Variants in LDHB observed in about 807,000 individuals in gnomAD.
LDHB encodes L-lactate dehydrogenase B chain.
In LDHB, 18 loss-of-function variants were observed where a neutral mutation model predicts 33.4. The observed-to-expected ratio is 0.54, with a 90% CI of 0.37 to 0.80. LDHB has a LOEUF of 0.80. LDHB is among the 30% of genes least tolerant of loss of function. The probability of loss-of-function intolerance (pLI) is 0.00; values close to 1 mark genes in which losing one functional copy is unlikely to be tolerated. For synonymous variants in LDHB, 121 were observed against 140.6 expected (o/e 0.86, Z 0.98); for missense variants, 345 against 407.9 (o/e 0.85, Z 1.33).
intron 5 of LDHB, among the ~76,000 whole-genome samples, chr12:21,640,305 A>C (rs1234805028): frequency 6.7e-6 from 1 of 148,578 alleles, no homozygotes; most frequent in Admixed American, 6.8e-5. Flanking sequence ...ATTTAAAATA[A>C]AACATTTATA....
At chr12:21,641,853 G>T in intron 5 of LDHB, 99 bp downstream of exon 5, 1 of 1,035,386 alleles carries the variant, frequency 9.7e-7, no homozygotes, top group Non-Finnish European at 1.4e-6. Flanking sequence ...CTGTTCTTAA[G>T]TACATCAAAG....
intron 6 of LDHB, among the ~76,000 whole-genome samples, chr12:21,637,590 A>G (rs1323238720): frequency 6.6e-6 from 1 of 151,860 alleles, no homozygotes; most frequent in East Asian, 1.9e-4. Flanking sequence ...ACTGTCACCT[A>G]ACATAATCAA....
At chr12:21,653,505 T>C (rs1339082440) in intron 2 of LDHB, among the ~76,000 whole-genome samples, 1 of 152,162 alleles carries the variant, frequency 6.6e-6, no homozygotes, top group Non-Finnish European at 1.5e-5. Flanking sequence ...CTAAAGGACA[T>C]GTAAGTAAAG....
At chr12:21,641,209 A>G (rs1383457931) in intron 5 of LDHB, among the ~76,000 whole-genome samples, 12 of 152,194 alleles carry the variant, frequency 7.9e-5, no homozygotes, top group Non-Finnish European at 1.5e-5. Flanking sequence ...CACACAGAGT[A>G]ACCTGGCAAA....
At chr12:21,654,808 A>C in intron 1 of LDHB, 131 bp from the exon 2 acceptor site, 1 of 793,332 alleles carries the variant, frequency 1.3e-6, no homozygotes, top group African/African-American at 1.7e-5. Flanking sequence ...ATATTCTAGA[A>C]AGCAGAATAT....
At chr12:21,652,356 AG>A (rs1453968345) in intron 2 of LDHB, among the ~76,000 whole-genome samples, 1 of 152,234 alleles carries the variant, frequency 6.6e-6, no homozygotes, top group African/African-American at 2.4e-5. Context: ...GACTGTGGAC[AG>A]GCTCTTTAAG....
rs548286803 is a variant in LDHB at position 21,648,954 on chromosome 12, A to C, written c.130-1938T>G. Among the ~76,000 whole-genome samples the C allele has an allele frequency of 3.3e-5, 5 of 152,346 alleles. No individual in the cohort carries two copies. In the East Asian group the frequency reaches 9.6e-4, roughly 29 times the overall value. On this transcript the variant is annotated intron_variant, in intron 2 of 7. Coordinates refer to ENST00000350669, the MANE Select transcript of LDHB (RefSeq NM_002300.8). ...TTCCTCATTTCCATGTGTATCAAAT[A>C]CTGGCGTTAATTTTTATCCATTTTT... is the stretch of plus-strand genomic sequence containing the variant.
intron 5 of LDHB, 99 bp downstream of exon 5, chr12:21,641,853 G>C: frequency 9.7e-7 from 1 of 1,035,386 alleles, no homozygotes; most frequent in South Asian, 1.5e-5. Context: ...CTGTTCTTAA[G>C]TACATCAAAG....
chr12:21,637,616 G>C (rs1418091916), intron 6 of LDHB, among the ~76,000 whole-genome samples: 3 of 151,974 alleles, frequency 2.0e-5, no homozygotes, highest in Non-Finnish European at 4.4e-5. Context: ...TAATAAAAGG[G>C]ATAAGAGTAT....
intron 2 of LDHB, among the ~76,000 whole-genome samples, chr12:21,650,924 G>C (rs749593958): frequency 6.6e-6 from 1 of 152,232 alleles, no homozygotes; most frequent in Non-Finnish European, 1.5e-5. Context: ...AAGACAAGGA[G>C]ATGTTGAAGC....
At chr12:21,650,140 A>ACC (rs1565629848) in intron 2 of LDHB, among the ~76,000 whole-genome samples, 2 of 148,610 alleles carry the variant, frequency 1.3e-5, no homozygotes, top group African/African-American at 5.1e-5. Flanking sequence ...ACACACACAC[A>ACC]CACACACACA....
In LDHB at chr12:21,644,240, T is replaced by C. The variant is rs943216290; in HGVS notation, c.248-132A>G. The C allele has an allele frequency of 4.5e-6, 3 of 667,164 alleles. No individual in the cohort carries two copies. In the Admixed American group the frequency reaches 8.2e-5, roughly 18 times the overall value. The allele number at this position is 667,164 out of a possible 1,614,324, so 41.3% of individuals were successfully genotyped here. On this transcript the variant is annotated intron_variant, in intron 3 of 7. Transcript: ENST00000350669. ...TATATGTGAATTAAGTTTTCTGTATTGTAAGGGCTTGAAGTTTAATGTTCC... is the reference window on the plus strand; with the variant it reads ...TATATGTGAATTAAGTTTTCTGTATCGTAAGGGCTTGAAGTTTAATGTTCC...
intron 2 of LDHB, among the ~76,000 whole-genome samples, chr12:21,647,664 C>T (rs1394030083): frequency 2.0e-5 from 3 of 152,100 alleles, no homozygotes; most frequent in Non-Finnish European, 4.4e-5. Flanking sequence ...AATGAATATA[C>T]TATTTAATCT....
At position 21,654,634 on chromosome 12, in the gene LDHB, G is replaced by C. The variant is rs753931794; in HGVS notation, c.38C>G (p.Ala13Gly). ...TLKEKLIAPV[A>G]EEEATVPNNK... ...GTTTGGAACTGTTGCCTCTTCTTCC[G>C]CAACTGGTGCAATGAGTTTTTCCTT... The change falls in exon 2 of 8, where the codon GCG (alanine) becomes GGG (glycine). Residue 13 changes from alanine (A) to glycine (G), a missense_variant. Ala to Gly is a moderately conservative substitution (Grantham distance 60). Transcript: ENST00000350669. The C allele has an allele frequency of 3.7e-6, 6 of 1,613,752 alleles. No individual in the cohort carries two copies. In the South Asian group the frequency reaches 4.4e-5, roughly 12 times the overall value.
intron 3 of LDHB, among the ~76,000 whole-genome samples, chr12:21,644,462 T>C (rs1248571161): frequency 4.1e-5 from 2 of 48,444 alleles, no homozygotes; most frequent in Non-Finnish European, 1.0e-4. Flanking sequence ...CAAAAACCAA[T>C]TTTAAGTTAC....
intron 3 of LDHB, among the ~76,000 whole-genome samples, chr12:21,644,424 C>CAAAAAAAAAAAAACAAAAAAAAA: frequency 6.5e-5 from 1 of 15,278 alleles, no homozygotes; most frequent in South Asian, 3.4e-3. Context: ...AGGTAGACAT[C>CAAAAAAAAAAAAACAAAAAAAAA]AAAAAAAAAA....
chr12:21,647,278 G>A (rs1938552359), intron 2 of LDHB, among the ~76,000 whole-genome samples: 1 of 152,166 alleles, frequency 6.6e-6, no homozygotes, highest in East Asian at 1.9e-4. Context: ...TATATTAATG[G>A]AGAGGGAATG....
At chr12:21,650,443 C>T (rs1221531969) in intron 2 of LDHB, among the ~76,000 whole-genome samples, 1 of 152,176 alleles carries the variant, frequency 6.6e-6, no homozygotes, top group Non-Finnish European at 1.5e-5. Context: ...CTTGCTCCTC[C>T]TAAGAGCTTT....
At chr12:21,637,005 T>C in intron 7 of LDHB, 66 bp downstream of exon 7, 1 of 1,335,866 alleles carries the variant, frequency 7.5e-7, no homozygotes, top group Non-Finnish European at 1.1e-6. Context: ...TGAGCCTCTT[T>C]AAATGAATCT....
Sources: allele counts gnomAD v4.1 joint callset (sites outside exome capture counted in the v4.1 genomes callset), GRCh38; gene constraint gnomAD v4.1.1; transcripts MANE v1.5; gene names NCBI Gene and HGNC (gene_info 2026-07-23, HGNC 2026-07-21).